Variants in WWTR1 observed in about 807,000 individuals in gnomAD.
The protein encoded by WWTR1 is WW domain containing transcription regulator 1, also known as WW domain-containing transcription regulator protein 1.
A neutral mutation model predicts 40.1 loss-of-function variants in WWTR1; 13 were observed. That is an observed-to-expected ratio of 0.32 (90% CI 0.21 to 0.52). The LOEUF is 0.52. WWTR1 is among the 20% of genes least tolerant of loss of function. WWTR1 has a pLI of 0.97. For synonymous variants in WWTR1, 230 were observed against 210.1 expected (o/e 1.09, Z -0.82); for missense variants, 436 against 523.1 (o/e 0.83, Z 1.63).
chr3:149,638,050 T>C (rs973327797), intron 2 of WWTR1, among the ~76,000 whole-genome samples: 2 of 152,036 alleles, frequency 1.3e-5, no homozygotes, highest in Non-Finnish European at 2.9e-5. Flanking sequence ...ACCCCGTCTC[T>C]ACTAAATACA....
intron 4 of WWTR1, 80 bp from the exon 5 acceptor site, chr3:149,528,049 T>C (rs1185947193): frequency 2.6e-6 from 4 of 1,520,908 alleles, no homozygotes; most frequent in Non-Finnish European, 3.5e-6. Context: ...ATCAAAACTT[T>C]TCACCAAATA....
intron 2 of WWTR1, among the ~76,000 whole-genome samples, chr3:149,646,704 A>T (rs1421819505): frequency 1.3e-5 from 2 of 152,228 alleles, no homozygotes; most frequent in Non-Finnish European, 2.9e-5. Flanking sequence ...TGGATGACAG[A>T]TAAATTAGAT....
At chr3:149,576,004 G>A (rs1737860043) in intron 2 of WWTR1, 1 of 456,732 alleles carries the variant, frequency 2.2e-6, no homozygotes, top group Non-Finnish European at 4.4e-6. Context: ...TTTGTTCCCA[G>A]TGGATTTGTT....
chr3:149,637,371 G>GA (rs1322776542), intron 2 of WWTR1, among the ~76,000 whole-genome samples: 8 of 151,840 alleles, frequency 5.3e-5, no homozygotes, highest in African/African-American at 1.9e-4. Flanking sequence ...GATTACAGGG[G>GA]TGTGCCACCA....
chr3:149,623,841 T>C (rs899734818), intron 2 of WWTR1, among the ~76,000 whole-genome samples: 2 of 152,212 alleles, frequency 1.3e-5, no homozygotes, highest in African/African-American at 4.8e-5. Flanking sequence ...TGAAGGGCCA[T>C]GCTTCATGGC....
At position 149,527,852 on chromosome 3, in the gene WWTR1, C is replaced by T. The variant is rs1233273169; in HGVS notation, c.889G>A (p.Asp297Asn). 6.2e-7 allele frequency: 1 copy of T among 1,614,066 alleles called. No homozygotes were observed. Among genetic ancestry groups the T allele is most frequent in the East Asian group, 2.2e-5 (1 of 44,868 alleles). ...TTAACTTACCCATTGAGGAAAGGAT[C>T]TGAGCTATTATTAGTGATGGATCTC... is the stretch of plus-strand genomic sequence containing the variant. The part of the protein sequence containing the change: ...DMRSITNNSS[D>N]PFLNGGPYHS... Residue 297 changes from aspartate to asparagine, a missense_variant, in exon 5 of 7, where the codon GAT becomes AAT. Transcript: ENST00000360632.
At chr3:149,717,401 G>C (rs547500485) in intron 5 of WWTR1, 2 of 152,302 alleles carry the variant, frequency 1.3e-5, no homozygotes, top group African/African-American at 4.8e-5. Flanking sequence ...TTTTGATTGT[G>C]CAGATTGATA....
intron 2 of WWTR1, among the ~76,000 whole-genome samples, chr3:149,592,832 C>T (rs1235800154): frequency 6.6e-6 from 1 of 152,134 alleles, no homozygotes; most frequent in Non-Finnish European, 1.5e-5. Context: ...CTGGGTGGCT[C>T]CTCTCCATCC....
At chr3:149,561,947 C>T (rs963669895) in intron 3 of WWTR1, among the ~76,000 whole-genome samples, 2 of 151,976 alleles carry the variant, frequency 1.3e-5, no homozygotes, top group Non-Finnish European at 2.9e-5. Context: ...GGATTTTTTG[C>T]CATATGCGTG....
chr3:149,722,911 A>G (rs1462291775), intron 4 of WWTR1, among the ~76,000 whole-genome samples: 1 of 151,646 alleles, frequency 6.6e-6, no homozygotes, highest in Non-Finnish European at 1.5e-5. Context: ...TTTTCTTCAC[A>G]TATTGTTTTA....
At chr3:149,686,551 A>G (rs1193310476) in intron 1 of WWTR1, among the ~76,000 whole-genome samples, 2 of 152,130 alleles carry the variant, frequency 1.3e-5, no homozygotes, top group Admixed American at 6.6e-5. Context: ...ATATATATAA[A>G]TAATAGAGTG....
chr3:149,597,482 A>C (rs2108043118), intron 2 of WWTR1, among the ~76,000 whole-genome samples: 1 of 151,984 alleles, frequency 6.6e-6, no homozygotes, highest in Non-Finnish European at 1.5e-5. Context: ...AAAAAAGAAA[A>C]AAAGAAAAAT....
intron 3 of WWTR1, among the ~76,000 whole-genome samples, chr3:149,560,747 C>T (rs1194981236): frequency 6.6e-6 from 1 of 151,762 alleles, no homozygotes; most frequent in Non-Finnish European, 1.5e-5. Flanking sequence ...AAATATAATA[C>T]TGAAAAGGAA....
chr3:149,616,492 G>A (rs969650156), intron 2 of WWTR1, among the ~76,000 whole-genome samples: 9 of 151,268 alleles, frequency 5.9e-5, no homozygotes, highest in African/African-American at 1.5e-4. Flanking sequence ...GCCCAGGCTG[G>A]AGTGCAATGG....
chr3:149,580,600 G>A (rs1447074883), intron 2 of WWTR1, among the ~76,000 whole-genome samples: 1 of 152,100 alleles, frequency 6.6e-6, no homozygotes, highest in African/African-American at 2.4e-5. Flanking sequence ...GTAATACTAA[G>A]ATTAGGTTTT....
At chr3:149,640,964 A>T (rs1315774957) in intron 2 of WWTR1, among the ~76,000 whole-genome samples, 6 of 152,200 alleles carry the variant, frequency 3.9e-5, no homozygotes, top group Admixed American at 2.0e-4. Context: ...TTTACGTATC[A>T]AGTCACTGGC....
At chr3:149,585,647 T>C (rs1738388354) in intron 2 of WWTR1, among the ~76,000 whole-genome samples, 1 of 152,140 alleles carries the variant, frequency 6.6e-6, no homozygotes, top group Non-Finnish European at 1.5e-5. Context: ...CCCTTGTTGG[T>C]AATGAGTGCC....
upstream of WWTR1, chr3:149,661,312 C>G (rs1713564476): frequency 6.6e-6 from 1 of 152,262 alleles, no homozygotes; most frequent in Non-Finnish European, 1.5e-5. Context: ...CAAGCCCAGC[C>G]CAGATTGCAG....
At chr3:149,701,120 G>C (rs1057070142) in intron 1 of WWTR1, among the ~76,000 whole-genome samples, 1 of 152,072 alleles carries the variant, frequency 6.6e-6, no homozygotes, top group African/African-American at 2.4e-5. Flanking sequence ...CCCCTGTCCT[G>C]ATTTTAAAAG....
Sources: gnomAD v4.1 joint callset for allele counts (sites outside exome capture counted in the v4.1 genomes callset) on GRCh38, gnomAD v4.1.1 for gene constraint, MANE v1.5 for transcripts, NCBI Gene and HGNC (gene_info 2026-07-23, HGNC 2026-07-21) for gene names.